ARHGAP15: variants seen among roughly 807,000 people sequenced by gnomAD.
ARHGAP15 encodes the protein Rho GTPase activating protein 15.
In ARHGAP15, 51 loss-of-function variants were observed where a neutral mutation model predicts 63.7. That is an observed-to-expected ratio of 0.80 (90% CI 0.64 to 1.01). The LOEUF is 1.01. ARHGAP15 is among the 50% of genes least tolerant of loss of function. The probability of loss-of-function intolerance (pLI) is 0.00; values close to 1 mark genes in which losing one functional copy is unlikely to be tolerated. For synonymous variants in ARHGAP15, 191 were observed against 193.8 expected, an observed-to-expected ratio of 0.99 and a Z score of 0.12; for missense variants, 560 against 564.6, an observed-to-expected ratio of 0.99 and a Z score of 0.08.
chr2:143,590,259 T>C (rs2105166726), intron 11 of ARHGAP15, among the ~76,000 whole-genome samples: 1 of 152,332 alleles, frequency 6.6e-6, no homozygotes, highest in Admixed American at 6.5e-5. Flanking sequence ...TGTTTCTCTT[T>C]AATTTCCAAT....
At chr2:143,428,404 T>C (rs1277617991) in intron 6 of ARHGAP15, among the ~76,000 whole-genome samples, 2 of 151,570 alleles carry the variant, frequency 1.3e-5, no homozygotes, top group East Asian at 2.0e-4. Context: ...GCAACAGCTG[T>C]GGGGAGCCTC....
intron 6 of ARHGAP15, among the ~76,000 whole-genome samples, chr2:143,359,133 G>A (rs1685932677): frequency 6.6e-6 from 1 of 152,038 alleles, no homozygotes; most frequent in African/African-American, 2.4e-5. Flanking sequence ...TTTTTAAAAT[G>A]TTTTTCTATT....
At chr2:143,341,817 C>G (rs1685069766) in intron 6 of ARHGAP15, among the ~76,000 whole-genome samples, 1 of 152,084 alleles carries the variant, frequency 6.6e-6, no homozygotes, top group African/African-American at 2.4e-5. Flanking sequence ...AGTCACAGAA[C>G]TATTATTAAA....
intron 6 of ARHGAP15, among the ~76,000 whole-genome samples, chr2:143,371,482 GTCTA>G (rs1396310074): frequency 3.3e-5 from 5 of 152,046 alleles, no homozygotes; most frequent in African/African-American, 7.2e-5. Context: ...CTGCCTGCCT[GTCTA>G]TCTATCCGTC....
intron 11 of ARHGAP15, among the ~76,000 whole-genome samples, chr2:143,563,108 T>G (rs949719258): frequency 5.3e-5 from 8 of 152,242 alleles, no homozygotes; most frequent in African/African-American, 1.7e-4. Context: ...ATCTTGATTC[T>G]GAACTATTTG....
chr2:143,707,629 C>T (rs1255582624), intron 13 of ARHGAP15, among the ~76,000 whole-genome samples: 2 of 152,114 alleles, frequency 1.3e-5, no homozygotes, highest in African/African-American at 2.4e-5. Flanking sequence ...CCTTTAAAAC[C>T]AGTCACATAG....
At chr2:143,614,401 A>T (rs1698380068) in intron 11 of ARHGAP15, among the ~76,000 whole-genome samples, 1 of 152,224 alleles carries the variant, frequency 6.6e-6, no homozygotes, top group Non-Finnish European at 1.5e-5. Context: ...CATGCCTAGC[A>T]CAAAATTTGG....
In ARHGAP15 at chr2:143,634,165, T is replaced by C. The variant is rs369015547; in HGVS notation, c.1138+9898T>C. On this transcript the variant is annotated intron_variant, in intron 12 of 13. Transcript: ENST00000295095. ...TGCCCATTGCATTCCAGCCCATTGG[T>C]ACCCTGGCTCTTCTTTGAATACCCC... is the stretch of plus-strand genomic sequence containing the variant. Among the ~76,000 whole-genome samples the C allele has an allele frequency of 2.6e-5, 4 of 152,234 alleles. No homozygotes were observed. The South Asian group carries it at 8.3e-4, about 32-fold the overall frequency.
intron 10 of ARHGAP15, among the ~76,000 whole-genome samples, chr2:143,552,319 CT>C (rs1244347462): frequency 6.6e-6 from 1 of 152,192 alleles, no homozygotes; most frequent in Non-Finnish European, 1.5e-5. Context: ...ACCAAAAATG[CT>C]ACCTAAACCA....
chr2:143,237,707 T>C (rs1180632392), intron 5 of ARHGAP15: 1 of 152,174 alleles, frequency 6.6e-6, no homozygotes, highest in African/African-American at 2.4e-5. Flanking sequence ...GTTTCTATTA[T>C]ATTCATCACA....
chr2:143,470,595 G>T (rs1160620803), intron 8 of ARHGAP15, among the ~76,000 whole-genome samples: 2 of 149,630 alleles, frequency 1.3e-5, no homozygotes, highest in South Asian at 4.3e-4. Context: ...ATATATATAT[G>T]CATGTGTGTG....
intron 1 of ARHGAP15, among the ~76,000 whole-genome samples, chr2:143,140,468 A>G (rs183207343): frequency 4.4e-4 from 67 of 152,280 alleles, no homozygotes; most frequent in African/African-American, 1.6e-3. Context: ...AGCAAACACG[A>G]GGAGAGAAAA....
chr2:143,525,310 A>G (rs188529373), intron 10 of ARHGAP15, among the ~76,000 whole-genome samples: 22 of 152,050 alleles, frequency 1.4e-4, no homozygotes, highest in Admixed American at 3.3e-4. Context: ...CAGTGAGTAA[A>G]AAAAAGTAAC....
chr2:143,667,279 A>G (rs1682257029), intron 12 of ARHGAP15, among the ~76,000 whole-genome samples: 1 of 150,082 alleles, frequency 6.7e-6, no homozygotes, highest in Admixed American at 6.6e-5. Context: ...AGGGACATGG[A>G]TGAAATTGGA....
intron 11 of ARHGAP15, among the ~76,000 whole-genome samples, chr2:143,599,750 G>T (rs1697690363): frequency 6.6e-6 from 1 of 152,076 alleles, no homozygotes; most frequent in Non-Finnish European, 1.5e-5. Flanking sequence ...ATCTATGCTT[G>T]ACGCTTTCCA....
At chr2:143,468,804 C>T (rs1691374074) in intron 8 of ARHGAP15, among the ~76,000 whole-genome samples, 1 of 152,038 alleles carries the variant, frequency 6.6e-6, no homozygotes, top group African/African-American at 2.4e-5. Flanking sequence ...CTATTCAAAT[C>T]ATTGTACAGT....
chr2:143,718,876 G>A (rs897607107), intron 13 of ARHGAP15, among the ~76,000 whole-genome samples: 1 of 152,196 alleles, frequency 6.6e-6, no homozygotes, highest in Admixed American at 6.5e-5. Flanking sequence ...TAAAGCTCTA[G>A]GATCTGGAAG....
chr2:143,229,615 C>T (rs977517498), intron 5 of ARHGAP15, among the ~76,000 whole-genome samples: 1 of 152,114 alleles, frequency 6.6e-6, no homozygotes, highest in Non-Finnish European at 1.5e-5. Flanking sequence ...CCTGCCACAG[C>T]CCATCGGCCT....
chr2:143,239,027 G>A (rs979248519), intron 5 of ARHGAP15, among the ~76,000 whole-genome samples: 6 of 152,050 alleles, frequency 3.9e-5, no homozygotes, highest in Non-Finnish European at 8.8e-5. Context: ...GGGCCTGTTG[G>A]AGGTGGGTGG....
Sources: gnomAD v4.1 joint callset for allele counts (sites outside exome capture counted in the v4.1 genomes callset) on GRCh38, gnomAD v4.1.1 for gene constraint, MANE v1.5 for transcripts, NCBI Gene and HGNC (gene_info 2026-07-23, HGNC 2026-07-21) for gene names.